The following SLC25A13 variants were observed in gnomAD, a reference collection of about 807,000 sequenced individuals.
The protein encoded by SLC25A13 is electrogenic aspartate/glutamate antiporter SLC25A13, mitochondrial.
In SLC25A13, 70 loss-of-function variants were observed where a neutral mutation model predicts 85.5. That is an observed-to-expected ratio of 0.82 (90% CI 0.68 to 1.00). The LOEUF (loss-of-function observed/expected upper bound fraction) is 1.00. Among genes scored for constraint, SLC25A13 ranks in the 50% least tolerant of loss-of-function variants. The pLI, the probability that SLC25A13 is intolerant of heterozygous loss-of-function variation, is 0.00. For missense variants in SLC25A13, 765 were observed against 819.8 expected (o/e 0.93, Z 0.82); for synonymous variants, 259 against 288.7 (o/e 0.90, Z 1.04).
At chr7:96,172,667 C>T (rs1359310821) in intron 11 of SLC25A13, among the ~76,000 whole-genome samples, 2 of 152,168 alleles carry the variant, frequency 1.3e-5, no homozygotes, top group Admixed American at 6.5e-5. Context: ...CAGCCATCTG[C>T]TCTATTGCAT....
At chr7:96,282,537 T>C (rs889358039) in intron 2 of SLC25A13, among the ~76,000 whole-genome samples, 4 of 152,192 alleles carry the variant, frequency 2.6e-5, no homozygotes, top group African/African-American at 9.6e-5. Context: ...AAATATAATT[T>C]AAGGATTTGC....
chr7:96,308,661 A>T (rs1373289381), intron 1 of SLC25A13, among the ~76,000 whole-genome samples: 1 of 152,232 alleles, frequency 6.6e-6, no homozygotes, highest in East Asian at 1.9e-4. Context: ...GCTGATTTCA[A>T]ACATGACAAA....
intron 13 of SLC25A13, among the ~76,000 whole-genome samples, chr7:96,169,370 C>A (rs1793905869): frequency 6.6e-6 from 1 of 152,046 alleles, no homozygotes; most frequent in South Asian, 2.1e-4. Context: ...GTTATTTAAC[C>A]AATCTTATCT....
intron 13 of SLC25A13, chr7:96,169,813 G>A (rs1793924707): frequency 1.8e-6 from 1 of 562,442 alleles, no homozygotes; most frequent in African/African-American, 1.9e-5. Context: ...CAAACCATAA[G>A]CAATGACGAA....
intron 3 of SLC25A13, among the ~76,000 whole-genome samples, chr7:96,254,833 C>G (rs887746184): frequency 6.6e-6 from 1 of 152,116 alleles, no homozygotes; most frequent in Non-Finnish European, 1.5e-5. Context: ...AAAAGAATGA[C>G]CTATAAAAAG....
chr7:96,180,618 C>T (rs934573291), intron 11 of SLC25A13, among the ~76,000 whole-genome samples: 4 of 152,216 alleles, frequency 2.6e-5, no homozygotes, highest in Admixed American at 1.3e-4. Flanking sequence ...CATAAGCCAC[C>T]GTACCCGGCC....
chr7:96,128,234 T>A (rs1360002010), intron 15 of SLC25A13, among the ~76,000 whole-genome samples: 5 of 152,242 alleles, frequency 3.3e-5, no homozygotes, highest in Non-Finnish European at 1.5e-5. Flanking sequence ...GATTTTCAGG[T>A]AAATAATCAT....
At chr7:96,131,259 C>T (rs932440989) in intron 15 of SLC25A13, among the ~76,000 whole-genome samples, 9 of 152,152 alleles carry the variant, frequency 5.9e-5, no homozygotes, top group Admixed American at 6.5e-5. Context: ...ACCATCCCCC[C>T]GTAACACAGG....
intron 5 of SLC25A13, among the ~76,000 whole-genome samples, chr7:96,197,838 T>C (rs1027974169): frequency 6.6e-6 from 1 of 152,190 alleles, no homozygotes; most frequent in African/African-American, 2.4e-5. Flanking sequence ...CATTCACATA[T>C]TTAAAAGTTA....
chr7:96,227,061 A>G (rs1037625369), intron 4 of SLC25A13, among the ~76,000 whole-genome samples: 1 of 152,204 alleles, frequency 6.6e-6, no homozygotes, highest in African/African-American at 2.4e-5. Context: ...AACTTTTAAG[A>G]AGGTAATACT....
At chr7:96,138,369 C>T (rs1050794872) in intron 14 of SLC25A13, among the ~76,000 whole-genome samples, 1 of 151,824 alleles carries the variant, frequency 6.6e-6, no homozygotes, top group African/African-American at 2.4e-5. Context: ...TTATCCTACA[C>T]CTGCAATTTG....
At chr7:96,163,898 T>C (rs1164832025) in intron 13 of SLC25A13, among the ~76,000 whole-genome samples, 2 of 151,776 alleles carry the variant, frequency 1.3e-5, no homozygotes, top group Non-Finnish European at 2.9e-5. Flanking sequence ...ATCCTCTCTC[T>C]CTCTCCATAT....
intron 1 of SLC25A13, among the ~76,000 whole-genome samples, chr7:96,319,874 C>T (rs911291920): frequency 6.6e-6 from 1 of 152,160 alleles, no homozygotes; most frequent in African/African-American, 2.4e-5. Flanking sequence ...TAAAAATGAA[C>T]ATTTCATTTT....
rs527948082 is a variant in SLC25A13, at chr7:96,298,790, AGAG to A, written c.16-1842_16-1840del. ...TAGTAAGTGTTCTCTGCTGTTCAAT[AGAG>A]GAGAAGAAAATGTACTGCTAGTTAA... On this transcript the variant is annotated intron_variant, in intron 1 of 17. Coordinates refer to ENST00000265631, the MANE Select transcript of SLC25A13 (RefSeq NM_014251.3). Among the ~76,000 whole-genome samples, 278 of 152,286 alleles carry A rather than the reference AGAG, an allele frequency of 1.8e-3. 3 individuals carry two copies. The highest frequency in any genetic ancestry group is 6.4e-3 in the African/African-American group (264 of 41,566).
chr7:96,202,502 G>A (rs1304364399), intron 5 of SLC25A13, among the ~76,000 whole-genome samples: 1 of 151,968 alleles, frequency 6.6e-6, no homozygotes, highest in Admixed American at 6.6e-5. Context: ...CTAGCCAGTG[G>A]AATGGAATCC....
chr7:96,283,444 T>A (rs1000367813), intron 2 of SLC25A13: 1 of 431,314 alleles, frequency 2.3e-6, no homozygotes, highest in Non-Finnish European at 4.6e-6. Context: ...TTTGGCCACA[T>A]ATATGCAAAT....
intron 14 of SLC25A13, among the ~76,000 whole-genome samples, chr7:96,142,314 T>G (rs1792599712): frequency 6.6e-6 from 1 of 152,230 alleles, no homozygotes; most frequent in Admixed American, 6.5e-5. Context: ...TGTGCTCATG[T>G]GTACCCAAGG....
At chr7:96,201,847 C>T (rs1012275068) in intron 5 of SLC25A13, among the ~76,000 whole-genome samples, 4 of 152,018 alleles carry the variant, frequency 2.6e-5, no homozygotes, top group African/African-American at 7.3e-5. Context: ...GAAATTGTTG[C>T]CTTACACCAG....
At chr7:96,303,204 G>A (rs1024259194) in intron 1 of SLC25A13, among the ~76,000 whole-genome samples, 1 of 152,056 alleles carries the variant, frequency 6.6e-6, no homozygotes, top group African/African-American at 2.4e-5. Flanking sequence ...TACTTCCCCA[G>A]TCACCCTCCC....
Sources: gnomAD v4.1 joint callset for allele counts (sites outside exome capture counted in the v4.1 genomes callset) on GRCh38, gnomAD v4.1.1 for gene constraint, MANE v1.5 for transcripts, NCBI Gene and HGNC (gene_info 2026-07-23, HGNC 2026-07-21) for gene names.